The following RSPO3 variants were observed in gnomAD, a reference collection of about 807,000 sequenced individuals.
RSPO3 encodes the protein R-spondin 3.
Under a neutral mutation model 36.5 loss-of-function variants are expected in RSPO3, and 17 were observed. The ratio of observed to expected loss-of-function variants is 0.47; its 90% confidence interval spans 0.32 to 0.70. RSPO3 has a LOEUF of 0.70. Ranked by LOEUF, RSPO3 falls within the 30% of genes least tolerant of loss-of-function variation. The probability of loss-of-function intolerance (pLI) is 0.04; values close to 1 mark genes in which losing one functional copy is unlikely to be tolerated. For synonymous variants in RSPO3, 108 were observed against 107.0 expected, an observed-to-expected ratio of 1.01 and a Z score of -0.06; for missense variants, 294 against 322.5, an observed-to-expected ratio of 0.91 and a Z score of 0.68.
intron 1 of RSPO3, chr6:127,119,789 C>G (rs968949650): frequency 2.0e-5 from 3 of 152,808 alleles, no homozygotes; most frequent in African/African-American, 7.2e-5. Context: ...GCCGAACGCC[C>G]GCTACCCGGC....
Position 127,148,685 on chromosome 6 carries a change from T to C in RSPO3, c.135T>C (p.Cys45=), listed in dbSNP as rs1392441971. The change falls in exon 2 of 5, where the codon TGT becomes TGC. Residue 45 remains cysteine (C), a synonymous_variant. Coordinates refer to ENST00000356698, the MANE Select transcript of RSPO3 (RefSeq NM_032784.5). The part of the protein sequence containing the change: ...PNVSQGCQGG[C]ATCSDYNGCL... ...TTAGTCAAGGCTGCCAAGGAGGCTG[T>C]GCAACATGCTCAGATTACAATGGAT... The C allele has an allele frequency of 6.2e-7, 1 of 1,613,030 alleles. No individual in the cohort carries two copies. The highest frequency in any genetic ancestry group is 8.5e-7 in the Non-Finnish European group (1 of 1,179,288).
intron 3 of RSPO3, among the ~76,000 whole-genome samples, chr6:127,150,965 G>C (rs1311735280): frequency 1.3e-5 from 2 of 151,422 alleles, no homozygotes; most frequent in Non-Finnish European, 2.9e-5. Context: ...TATATGTCTT[G>C]AACTTAATTT....
At chr6:127,169,602 T>C (rs1402087258) in intron 4 of RSPO3, among the ~76,000 whole-genome samples, 4 of 151,888 alleles carry the variant, frequency 2.6e-5, no homozygotes, top group Non-Finnish European at 5.9e-5. Flanking sequence ...CCATTCTTTT[T>C]TGCAATAAAC....
At chr6:127,149,312 T>C (rs1200882693) in intron 2 of RSPO3, among the ~76,000 whole-genome samples, 1 of 152,066 alleles carries the variant, frequency 6.6e-6, no homozygotes, top group African/African-American at 2.4e-5. Context: ...CCCAGGGACC[T>C]TTCTCAAAAA....
In RSPO3 at chr6:127,161,075, T is replaced by G. The variant is rs575950058; in HGVS notation, c.634+5637T>G. ...AAATTCAGTGGACAAGTATCAGAAT[T>G]TATTATCCATGTAGGTGAAAACATT... On this transcript the variant is annotated intron_variant, in intron 4 of 4. Coordinates refer to ENST00000356698, the MANE Select transcript of RSPO3 (RefSeq NM_032784.5). Among the ~76,000 whole-genome samples the G allele has an allele frequency of 3.3e-5, 5 of 152,244 alleles. No homozygotes were observed. In the South Asian group the frequency reaches 1.0e-3, roughly 32 times the overall value.
chr6:127,159,080 C>T (rs1166247482), intron 4 of RSPO3, among the ~76,000 whole-genome samples: 1 of 151,938 alleles, frequency 6.6e-6, no homozygotes, highest in African/African-American at 2.4e-5. Context: ...TTTTGACATA[C>T]AGTGTATAAC....
At chr6:127,179,630 T>G (rs1775140380) in intron 4 of RSPO3, among the ~76,000 whole-genome samples, 1 of 151,880 alleles carries the variant, frequency 6.6e-6, no homozygotes, top group Non-Finnish European at 1.5e-5. Flanking sequence ...TACCAAAAAC[T>G]TAGTGTCCTA....
intron 4 of RSPO3, among the ~76,000 whole-genome samples, chr6:127,170,562 T>C (rs1774915579): frequency 6.6e-6 from 1 of 151,748 alleles, no homozygotes; most frequent in Non-Finnish European, 1.5e-5. Flanking sequence ...CTCAAAGAGA[T>C]AGTTTTACAC....
Position 127,150,072 on chromosome 6 carries a change from A to G in RSPO3, c.290-354A>G, listed in dbSNP as rs527252426. 1.3e-4 allele frequency among the ~76,000 whole-genome samples: 20 copies of G among 152,108 alleles called. No homozygotes were observed. In the East Asian group the frequency reaches 3.9e-3, roughly 29 times the overall value. ...AATAGCCCTCAAGAACAACACAAAG[A>G]TAATATCCTTTGTATGTTTTCTTAA... On this transcript the variant is annotated intron_variant, in intron 2 of 4. Transcript: ENST00000356698.
chr6:127,169,618 G>A (rs1361681491), intron 4 of RSPO3, among the ~76,000 whole-genome samples: 10 of 151,860 alleles, frequency 6.6e-5, no homozygotes, highest in Admixed American at 2.0e-4. Flanking sequence ...TAAACAACAC[G>A]AAAGAGTTAA....
At chr6:127,156,924 T>C (rs981439130) in intron 4 of RSPO3, among the ~76,000 whole-genome samples, 3 of 152,292 alleles carry the variant, frequency 2.0e-5, no homozygotes, top group South Asian at 4.1e-4. Context: ...GAATTGGCCA[T>C]CACTAAAAGC....
intron 4 of RSPO3, among the ~76,000 whole-genome samples, chr6:127,194,463 G>T (rs1250712184): frequency 6.6e-6 from 1 of 152,140 alleles, no homozygotes; most frequent in Non-Finnish European, 1.5e-5. Context: ...TGGGATATAT[G>T]TGTTCATGGA....
chr6:127,123,084 A>G (rs1008305835), intron 1 of RSPO3, among the ~76,000 whole-genome samples: 4 of 152,166 alleles, frequency 2.6e-5, no homozygotes, highest in Non-Finnish European at 5.9e-5. Flanking sequence ...AAAAGGAAAT[A>G]ATTTTCATGG....
At chr6:127,140,958 A>G (rs1418800400) in intron 1 of RSPO3, among the ~76,000 whole-genome samples, 1 of 152,146 alleles carries the variant, frequency 6.6e-6, no homozygotes, top group Non-Finnish European at 1.5e-5. Flanking sequence ...TTCTTCCCTG[A>G]CATGTATTTA....
chr6:127,144,358 A>G (rs190723826), intron 1 of RSPO3, among the ~76,000 whole-genome samples: 26 of 152,212 alleles, frequency 1.7e-4, no homozygotes, highest in African/African-American at 5.8e-4. Context: ...AAAGATCTCT[A>G]TTTTCACCTC....
At chr6:127,181,424 T>C (rs1374467692) in intron 4 of RSPO3, among the ~76,000 whole-genome samples, 1 of 151,954 alleles carries the variant, frequency 6.6e-6, no homozygotes, top group East Asian at 1.9e-4. Context: ...TGTGAGGTTA[T>C]TCAGTGATGC....
intron 3 of RSPO3, among the ~76,000 whole-genome samples, chr6:127,153,804 G>A (rs1230416616): frequency 6.6e-6 from 1 of 151,894 alleles, no homozygotes; most frequent in African/African-American, 2.4e-5. Context: ...CTTTTTTGGA[G>A]GTGCCTTTTT....
At chr6:127,190,415 C>CA (rs1392271108) in intron 4 of RSPO3, among the ~76,000 whole-genome samples, 2 of 151,880 alleles carry the variant, frequency 1.3e-5, no homozygotes, top group Non-Finnish European at 2.9e-5. Context: ...GCAAAAAGAG[C>CA]AAAACTCCGT....
At chr6:127,148,593 AT>A in intron 1 of RSPO3, 54 bp from the exon 2 acceptor site, 3 of 1,452,326 alleles carry the variant, frequency 2.1e-6, no homozygotes, top group Non-Finnish European at 2.8e-6. Flanking sequence ...AGAAAATGTC[AT>A]TTTTTTATCT....
Sources: gnomAD v4.1 joint callset for allele counts (sites outside exome capture counted in the v4.1 genomes callset) on GRCh38, gnomAD v4.1.1 for gene constraint, MANE v1.5 for transcripts, NCBI Gene and HGNC (gene_info 2026-07-23, HGNC 2026-07-21) for gene names.